Variants in SRCAP observed in about 807,000 individuals in gnomAD.
SRCAP encodes the protein chromatin remodeling protein SRCAP.
Under a neutral mutation model 263.1 loss-of-function variants are expected in SRCAP, and 46 were observed. The ratio of observed to expected loss-of-function variants is 0.17; its 90% CI spans 0.14 to 0.22. The LOEUF is 0.22. Among genes scored for constraint, SRCAP ranks in the 10% least tolerant of loss-of-function variants. The pLI is 1.00. For missense variants in SRCAP, 3,695 were observed against 4,181.9 expected (o/e 0.88, Z 3.21); for synonymous variants, 1,813 against 1,662.1 (o/e 1.09, Z -2.21).
chr16:30,734,740 C>G lies in SRCAP; in HGVS notation c.6729+125C>G, dbSNP rs2053143557. The G allele has an allele frequency of 3.5e-6, 5 of 1,424,644 alleles. No individual in the cohort carries two copies. The South Asian group carries it at 6.7e-5, about 19-fold the overall frequency. 88.3% of individuals were successfully genotyped at this position (1,424,644 alleles called of 1,614,324 possible). A position where few individuals can be genotyped will look rare whatever the true frequency, so the allele number is the denominator to read the frequency against. On this transcript the variant is annotated intron_variant, in intron 31 of 33. Coordinates refer to ENST00000262518, the MANE Select transcript of SRCAP (RefSeq NM_006662.3). ...CTTCTGCTTCCCAGATTACAGTCAGCCTTTGATAGTTGTAAGCACATTGCT... is the reference window on the plus strand; with the variant it reads ...CTTCTGCTTCCCAGATTACAGTCAGGCTTTGATAGTTGTAAGCACATTGCT...
intron 9 of SRCAP, 24 bp downstream of exon 9, chr16:30,710,871 A>G (rs373014581): frequency 1.3e-5 from 21 of 1,612,298 alleles, no homozygotes; most frequent in Middle Eastern, 1.6e-4. Context: ...GGTTTGTCCT[A>G]TTGCCCCTTA....
At position 30,729,353 on chromosome 16, in the gene SRCAP, G is replaced by A. The variant is rs1246937243; in HGVS notation, c.5925-17G>A. On this transcript the variant is annotated splice_polypyrimidine_tract_variant and intron_variant, in intron 26 of 33. Transcript: ENST00000262518. ...CAGAGTCCCATCTTTTACACTGCCT[G>A]CTTCTTCCTTTCACAGGTTCATCTT... 4 of 1,613,842 alleles carry A rather than the reference G, an allele frequency of 2.5e-6. No homozygotes were observed. The highest frequency in any genetic ancestry group is 2.5e-6 in the Non-Finnish European group (3 of 1,179,864).
intron 27 of SRCAP, among the ~76,000 whole-genome samples, chr16:30,730,499 T>A (rs2053103530): frequency 6.6e-6 from 1 of 152,166 alleles, no homozygotes; most frequent in Non-Finnish European, 1.5e-5. Context: ...TGGCTCGATC[T>A]CGGCTCACTG....
intron 10 of SRCAP, 41 bp from the exon 11 acceptor site, chr16:30,711,530 C>A (rs765673498): frequency 3.2e-6 from 5 of 1,540,438 alleles, no homozygotes; most frequent in Non-Finnish European, 4.4e-6. Flanking sequence ...CCCCTTCTCC[C>A]TCCCCTCAGA....
chr16:30,715,939 C>T, intron 16 of SRCAP, 127 bp from the exon 17 acceptor site: 2 of 1,232,630 alleles, frequency 1.6e-6, no homozygotes, highest in Non-Finnish European at 2.3e-6. Flanking sequence ...TTGCAGTTGA[C>T]TCATCTTTGT....
At position 30,738,955 on chromosome 16, in the gene SRCAP, C is replaced by T; in HGVS notation, c.8915C>T (p.Pro2972Leu). 1 of 1,613,764 alleles carries T rather than the reference C, an allele frequency of 6.2e-7. No homozygotes were observed. Among genetic ancestry groups the T allele is most frequent in the Non-Finnish European group, 8.5e-7 (1 of 1,179,820 alleles). ...SESRTQPPPH[P>L]SPLTPLPPLL... ...AGTCGGACACAGCCACCCCCACACC[C>T]ATCACCCCTAACCCCACTCCCACCA... Residue 2972 changes from proline (P) to leucine (L), a missense_variant, in exon 34 of 34, where the codon CCA (proline) becomes CTA (leucine). Pro to Leu is a moderately conservative substitution (Grantham distance 98). Coordinates refer to ENST00000262518, the MANE Select transcript of SRCAP (RefSeq NM_006662.3).
chr16:30,720,803 T>C lies in SRCAP; in HGVS notation c.3078T>C (p.Pro1026=). Residue 1026 remains proline, a synonymous_variant, in exon 20 of 34, where the codon CCT becomes CCC. Coordinates refer to ENST00000262518, the MANE Select transcript of SRCAP (RefSeq NM_006662.3). ...CCCTGGGCCCTGTCCCAGTTCGACC[T>C]CCTCCAGGTCCTGAGCTCTCAGCCC... ...RAPLGPVPVR[P]PPGPELSAQP... The C allele has an allele frequency of 6.2e-7, 1 of 1,614,066 alleles. No individual in the cohort carries two copies. The highest frequency in any genetic ancestry group is 1.1e-5 in the South Asian group (1 of 91,082).
At position 30,733,813 on chromosome 16, in the gene SRCAP, T is replaced by G; in HGVS notation, c.6494+15T>G. The G allele has an allele frequency of 6.2e-7, 1 of 1,611,814 alleles. No homozygotes were observed. The highest frequency in any genetic ancestry group is 8.5e-7 in the Non-Finnish European group (1 of 1,178,398). ...CACATATATAGGTATTGCCTAGTCT[T>G]CCCTCACCTTACTTTCCGTTTACTG... On this transcript the variant is annotated intron_variant, in intron 29 of 33. Coordinates refer to ENST00000262518, the MANE Select transcript of SRCAP (RefSeq NM_006662.3). This position sits in a 1 kb window ranked among gnomAD's most constrained non-coding sequence, Gnocchi z 5.3.
At position 30,733,241 on chromosome 16, in the gene SRCAP, C is replaced by T. The variant is rs751711533; in HGVS notation, c.6128-39C>T. ...TTGCTAAGCATTCTACCCATTGCGG[C>T]TTGTAGCTAGCTCCCTGTATCCCTT... On this transcript the variant is annotated intron_variant, in intron 27 of 33. Transcript: ENST00000262518. This position sits in a 1 kb window ranked among gnomAD's most constrained non-coding sequence, Gnocchi z 5.3. 5.6e-6 allele frequency: 9 copies of T among 1,603,388 alleles called. No individual in the cohort carries two copies. The highest frequency in any genetic ancestry group is 1.9e-4 in the Middle Eastern group (1 of 5,232).
intron 31 of SRCAP, among the ~76,000 whole-genome samples, chr16:30,735,837 C>T (rs2053156012): frequency 6.6e-6 from 1 of 151,804 alleles, no homozygotes; most frequent in South Asian, 2.1e-4. Context: ...CCTTGGCCTC[C>T]CAAAGTGCTG....
intron 4 of SRCAP, among the ~76,000 whole-genome samples, chr16:30,706,760 C>T (rs1162796478): frequency 6.6e-6 from 1 of 151,986 alleles, no homozygotes; most frequent in African/African-American, 2.4e-5. Flanking sequence ...TGATGATGAC[C>T]CCTTGTATCT....
intron 25 of SRCAP, 155 bp downstream of exon 25, chr16:30,725,237 C>G (rs1176875251): frequency 7.2e-7 from 1 of 1,396,422 alleles, no homozygotes; most frequent in Non-Finnish European, 9.4e-7. Context: ...AGTCCCTTCT[C>G]TTCCCTGGGC....
intron 32 of SRCAP, 71 bp from the exon 33 acceptor site, chr16:30,736,470 G>A: frequency 6.2e-7 from 1 of 1,610,248 alleles, no homozygotes; most frequent in Non-Finnish European, 8.5e-7. Flanking sequence ...CTTCCCTGGT[G>A]GGAATAAATA....
rs532495486 is a variant in SRCAP at position 30,700,669 on chromosome 16, C to T, written c.-156C>T. 1.9e-5 allele frequency: 12 copies of T among 623,284 alleles called. No individual in the cohort carries two copies. In the East Asian group the frequency reaches 2.0e-4, roughly 11 times the overall value. 38.6% of individuals were successfully genotyped at this position (623,284 alleles called of 1,614,324 possible). A position where few individuals can be genotyped will look rare whatever the true frequency, so the allele number is the denominator to read the frequency against. On this transcript the variant is annotated 5_prime_UTR_variant, in exon 3 of 34. Coordinates refer to ENST00000262518, the MANE Select transcript of SRCAP (RefSeq NM_006662.3). ...GAGGCTGGGACGCCCTGGTGGGCCC[C>T]GGGCCCTGGAAGGCGGGTCCCGGTG...
intron 33 of SRCAP, 123 bp from the exon 34 acceptor site, chr16:30,736,925 TA>T: frequency 8.7e-7 from 1 of 1,153,170 alleles, no homozygotes. Context: ...CTGCTGGCCT[TA>T]ACTTCCCCAA....
In SRCAP at chr16:30,700,652, G is replaced by T. The variant is rs540004691; in HGVS notation, c.-173G>T. 1 of 510,802 alleles carries T rather than the reference G, an allele frequency of 2.0e-6. No individual in the cohort carries two copies. The highest frequency in any genetic ancestry group is 3.1e-5 in the East Asian group (1 of 31,940). 31.6% of individuals were successfully genotyped at this position (510,802 alleles called of 1,614,324 possible). A position where few individuals can be genotyped will look rare whatever the true frequency, so the allele number is the denominator to read the frequency against. The stretch of plus-strand genomic sequence containing the variant: ...GCTGGTGGACCTGAGCGGAGGCTGG[G>T]ACGCCCTGGTGGGCCCCGGGCCCTG... On this transcript the variant is annotated 5_prime_UTR_variant, in exon 3 of 34. Transcript: ENST00000262518.
intron 6 of SRCAP, among the ~76,000 whole-genome samples, chr16:30,709,283 C>T (rs905148084): frequency 2.0e-5 from 3 of 151,756 alleles, no homozygotes; most frequent in Non-Finnish European, 4.4e-5. Flanking sequence ...AAAAAAAAAT[C>T]CAGCTTCAGA....
At chr16:30,734,663 A>G (rs765836656) in intron 31 of SRCAP, 48 bp downstream of exon 31, 1 of 1,612,112 alleles carries the variant, frequency 6.2e-7, no homozygotes, top group Admixed American at 1.7e-5. Context: ...TTCTTACAGA[A>G]TATCTTGTCT....
At chr16:30,720,354 G>A in intron 19 of SRCAP, 23 bp downstream of exon 19, 2 of 1,596,144 alleles carry the variant, frequency 1.3e-6, no homozygotes, top group Non-Finnish European at 1.7e-6. Context: ...AGGAATGAGG[G>A]GATGGTTCCT....
Sources: gnomAD v4.1 joint callset for allele counts (sites outside exome capture counted in the v4.1 genomes callset) on GRCh38, gnomAD v4.1.1 for gene constraint, Gnocchi (gnomAD v3.1) non-coding constraint, MANE v1.5 for transcripts, NCBI Gene and HGNC (gene_info 2026-07-23, HGNC 2026-07-21) for gene names.